ADAMTS9: variants seen among roughly 807,000 people sequenced by gnomAD.
The protein encoded by ADAMTS9 is A disintegrin and metalloproteinase with thrombospondin motifs 9.
In ADAMTS9, 107 loss-of-function variants were observed where a neutral mutation model predicts 257.1. The ratio of observed to expected loss-of-function variants is 0.42; its 90% CI spans 0.36 to 0.49. The LOEUF (loss-of-function observed/expected upper bound fraction) is 0.49. Among genes scored for constraint, ADAMTS9 ranks in the 20% least tolerant of loss-of-function variants. The pLI is 0.03. For synonymous variants in ADAMTS9, 982 were observed against 880.9 expected (o/e 1.11, Z -2.03); for missense variants, 2,353 against 2,469.1 (o/e 0.95, Z 1.00).
chr3:64,585,576 C>T (rs529778457), intron 28 of ADAMTS9, among the ~76,000 whole-genome samples: 1 of 152,216 alleles, frequency 6.6e-6, no homozygotes, highest in South Asian at 2.1e-4. Flanking sequence ...GTAAATTTTA[C>T]CATTTTTCAT....
In ADAMTS9 at chr3:64,687,770, C is replaced by T. The variant is rs1010035862; in HGVS notation, c.-113G>A. The T allele has an allele frequency of 1.2e-6, 1 of 817,972 alleles. No homozygotes were observed. The highest frequency in any genetic ancestry group is 3.3e-5 in the East Asian group (1 of 30,064). The allele number at this position is 817,972 out of a possible 1,614,324, so 50.7% of individuals were successfully genotyped here. On this transcript the variant is annotated 5_prime_UTR_variant, in exon 1 of 40. Transcript: ENST00000498707. The surrounding 1 kb of genome is among the most constrained non-coding windows in gnomAD (Gnocchi z 4.4). The stretch of plus-strand genomic sequence containing the variant: ...GAGAGCGCGCGGAGCCCGGCGCCCG[C>T]CGCCAACTTTTGACTTTAGGAGTCG...
At position 64,594,223 on chromosome 3, in the gene ADAMTS9, GT is replaced by G. The variant is rs1370177012; in HGVS notation, c.4356+34del. The G allele has an allele frequency of 1.9e-6, 3 of 1,586,316 alleles. No individual in the cohort carries two copies. In the African/African-American group the frequency reaches 4.0e-5, roughly 21 times the overall value. ...CCCCAGAATACCTTGGAATTAGATAGTTTGGTTAACAAACATGAATAGTTAG... is the reference window on the plus strand; with the variant it reads ...CCCCAGAATACCTTGGAATTAGATAGTTGGTTAACAAACATGAATAGTTAG... On this transcript the variant is annotated intron_variant, in intron 28 of 39. Transcript: ENST00000498707.
intron 28 of ADAMTS9, among the ~76,000 whole-genome samples, chr3:64,576,140 G>C (rs139497134): frequency 6.6e-6 from 1 of 152,100 alleles, no homozygotes; most frequent in Non-Finnish European, 1.5e-5. Context: ...TACCAGTATT[G>C]TCTCTTCTCA....
At chr3:64,545,443 T>A (rs1467576713) in intron 32 of ADAMTS9, among the ~76,000 whole-genome samples, 2 of 152,044 alleles carry the variant, frequency 1.3e-5, no homozygotes, top group Non-Finnish European at 2.9e-5. Flanking sequence ...AAAGGATGAG[T>A]TCATGTCCTT....
intron 38 of ADAMTS9, among the ~76,000 whole-genome samples, chr3:64,528,355 C>T (rs1211744843): frequency 6.6e-6 from 1 of 152,158 alleles, no homozygotes; most frequent in Non-Finnish European, 1.5e-5. Flanking sequence ...GGGTATACAG[C>T]GTTGCTGGCA....
intron 16 of ADAMTS9, among the ~76,000 whole-genome samples, chr3:64,623,213 A>C (rs1700149467): frequency 6.6e-6 from 1 of 152,198 alleles, no homozygotes; most frequent in Non-Finnish European, 1.5e-5. Flanking sequence ...GAATGACTGC[A>C]ATCACTAGGA....
intron 28 of ADAMTS9, among the ~76,000 whole-genome samples, chr3:64,584,825 C>T (rs2084106036): frequency 6.6e-6 from 1 of 152,092 alleles, no homozygotes; most frequent in Non-Finnish European, 1.5e-5. Flanking sequence ...AGAGACATAA[C>T]ATCCCATCAT....
In ADAMTS9 at chr3:64,651,064, G is replaced by A. The variant is rs748568141; in HGVS notation, c.1416C>T (p.Pro472=). Residue 472 remains proline (P), a synonymous_variant, in exon 9 of 40, where the codon CCC becomes CCT. Transcript: ENST00000498707. ...MAPTLNFYTN[P]WMWSKCSRKY... ...TTCGACTACACTTTGACCACATCCA[G>A]GGGTTGGTGTAGAAGTTCAGTGTTG... The A allele has an allele frequency of 1.9e-6, 3 of 1,607,854 alleles. No individual in the cohort carries two copies. The highest frequency in any genetic ancestry group is 2.5e-6 in the Non-Finnish European group (3 of 1,177,928).
chr3:64,630,998 C>G (rs951824945), intron 16 of ADAMTS9, among the ~76,000 whole-genome samples: 2 of 152,210 alleles, frequency 1.3e-5, no homozygotes, highest in East Asian at 3.9e-4. Flanking sequence ...ACTTTTGCAA[C>G]GAACAGGCAT....
intron 26 of ADAMTS9, 43 bp downstream of exon 26, chr3:64,601,901 C>T: frequency 6.5e-7 from 1 of 1,547,062 alleles, no homozygotes; most frequent in Non-Finnish European, 8.7e-7. Context: ...CTAAACCCAA[C>T]CTCAAGTGAA....
rs112845484 is a variant in ADAMTS9 at position 64,541,462 on chromosome 3, A to G, written c.5293-48T>C. ...TGAAGAGTGGCTCAGAAATGAGGTA[A>G]TGAGAGCGGTGATCACTCACTCTAA... is the stretch of plus-strand genomic sequence containing the variant. On this transcript the variant is annotated intron_variant, in intron 34 of 39. Coordinates refer to ENST00000498707, the MANE Select transcript of ADAMTS9 (RefSeq NM_182920.2). 40 of 1,608,004 alleles carry G rather than the reference A, an allele frequency of 2.5e-5. No homozygotes were observed. The African/African-American group carries it at 4.7e-4, about 19-fold the overall frequency.
chr3:64,568,582 CG>C, intron 28 of ADAMTS9, 47 bp from the exon 29 acceptor site: 1 of 1,597,642 alleles, frequency 6.3e-7, no homozygotes, highest in Non-Finnish European at 8.5e-7. Context: ...TTTAATTACA[CG>C]GAGTTTGAGA....
intron 30 of ADAMTS9, among the ~76,000 whole-genome samples, chr3:64,552,569 T>C (rs1307112382): frequency 1.3e-5 from 2 of 150,310 alleles, no homozygotes; most frequent in Admixed American, 7.0e-5. Flanking sequence ...TCTTTTCTTT[T>C]CTTTCCTTTT....
At chr3:64,671,307 CAG>C (rs936070564) in intron 3 of ADAMTS9, among the ~76,000 whole-genome samples, 6 of 152,030 alleles carry the variant, frequency 3.9e-5, no homozygotes, top group African/African-American at 1.2e-4. Flanking sequence ...AGACAGAAAA[CAG>C]GGGTGGGGAG....
At chr3:64,618,394 T>C (rs981643153) in intron 19 of ADAMTS9, among the ~76,000 whole-genome samples, 1 of 152,198 alleles carries the variant, frequency 6.6e-6, no homozygotes, top group Non-Finnish European at 1.5e-5. Context: ...ATGGGAAATT[T>C]AGAATTTAGA....
intron 25 of ADAMTS9, 35 bp from the exon 26 acceptor site, chr3:64,602,248 C>A: frequency 6.2e-7 from 1 of 1,603,474 alleles, no homozygotes; most frequent in South Asian, 1.1e-5. Context: ...AAGGGTCAGT[C>A]ATTTGGTGGA....
chr3:64,541,211 T>G lies in ADAMTS9; in HGVS notation c.5405A>C (p.Glu1802Ala). The change falls in exon 36 of 40, where the codon GAA (glutamate) becomes GCA (alanine). Residue 1802 changes from glutamate (E) to alanine (A), a missense_variant. Physicochemically the swap from Glu to Ala is moderately radical, Grantham distance 107 (BLOSUM62 -1). Transcript: ENST00000498707. ...VYGHRLHNPT[E>A]CPYNGSRRDD... Reference sequence around the variant, plus strand: ...GCGCCGGCTCCCGTTATAGGGACATTCTGTTGGGTTGTGTAACCTAAATTA... The same window carrying G: ...GCGCCGGCTCCCGTTATAGGGACATGCTGTTGGGTTGTGTAACCTAAATTA... 1 of 1,614,174 alleles carries G rather than the reference T, an allele frequency of 6.2e-7. No individual in the cohort carries two copies. The highest frequency in any genetic ancestry group is 8.5e-7 in the Non-Finnish European group (1 of 1,180,030).
rs1186974325 is a variant in ADAMTS9 at position 64,622,487 on chromosome 3, C to G, written c.2489G>C (p.Ser830Thr). The change falls in exon 17 of 40, where the codon AGT becomes ACT. Residue 830 changes from serine (S) to threonine (T), a missense_variant. Ser to Thr is a moderately conservative substitution (Grantham distance 58). Coordinates refer to ENST00000498707, the MANE Select transcript of ADAMTS9 (RefSeq NM_182920.2). ...TCTTTCTACGGCAGTCTCGGACCCA[C>G]TGTACTCTACCACAGCATTCCCAAT... The part of the protein sequence containing the change: ...IRIGNAVVEY[S>T]GSETAVERIN... 3 of 1,614,130 alleles carry G rather than the reference C, an allele frequency of 1.9e-6. No individual in the cohort carries two copies. Among genetic ancestry groups the G allele is most frequent in the Non-Finnish European group, 2.5e-6 (3 of 1,180,006 alleles).
At chr3:64,636,132 T>C (rs1020277871) in intron 12 of ADAMTS9, among the ~76,000 whole-genome samples, 1 of 152,162 alleles carries the variant, frequency 6.6e-6, no homozygotes, top group Non-Finnish European at 1.5e-5. Context: ...ATTCTTGAAA[T>C]TTATCAAATG....
Sources: gnomAD v4.1 joint callset for allele counts (sites outside exome capture counted in the v4.1 genomes callset) on GRCh38, gnomAD v4.1.1 for gene constraint, Gnocchi (gnomAD v3.1) non-coding constraint, MANE v1.5 for transcripts, NCBI Gene and HGNC (gene_info 2026-07-23, HGNC 2026-07-21) for gene names.